PTPRN2: variants seen among roughly 807,000 people sequenced by gnomAD.
PTPRN2 encodes protein tyrosine phosphatase receptor type N2.
PTPRN2 carries 74 observed loss-of-function variants against 118.8 expected under a neutral mutation model. The ratio of observed to expected loss-of-function variants is 0.62; its 90% confidence interval spans 0.52 to 0.76. The LOEUF (loss-of-function observed/expected upper bound fraction) is 0.76, where lower values mean the gene tolerates loss of function less well. Among genes scored for constraint, PTPRN2 ranks in the 30% least tolerant of loss-of-function variants. PTPRN2 has a pLI of 0.00. For synonymous variants in PTPRN2, 641 were observed against 608.0 expected, an observed-to-expected ratio of 1.05 and a Z score of -0.80; for missense variants, 1,481 against 1,394.4, an observed-to-expected ratio of 1.06 and a Z score of -0.99.
intron 2 of PTPRN2, among the ~76,000 whole-genome samples, chr7:158,487,361 T>A (rs921856606): frequency 6.6e-6 from 1 of 152,206 alleles, no homozygotes; most frequent in Non-Finnish European, 1.5e-5. Context: ...ACTGTTTCCC[T>A]CAGCAACGAC....
At chr7:157,571,951 C>G (rs998458147) in intron 19 of PTPRN2, among the ~76,000 whole-genome samples, 1 of 152,194 alleles carries the variant, frequency 6.6e-6, no homozygotes, top group Non-Finnish European at 1.5e-5. Flanking sequence ...TGTCTAAAAA[C>G]AGCATCTTCA....
chr7:157,743,685 C>T (rs530298688), intron 12 of PTPRN2, among the ~76,000 whole-genome samples: 5 of 151,742 alleles, frequency 3.3e-5, no homozygotes, highest in East Asian at 1.9e-4. Context: ...GCTGGGGTAA[C>T]GATCTCCAGG....
chr7:158,151,141 ATT>A (rs1821040303), intron 6 of PTPRN2, among the ~76,000 whole-genome samples: 11 of 76,274 alleles, frequency 1.4e-4, no homozygotes, highest in Non-Finnish European at 2.3e-4. Context: ...CCGCCTTTCT[ATT>A]CCTGCCTCTC....
chr7:158,529,396 G>A lies in PTPRN2; in HGVS notation c.113-39611C>T, dbSNP rs535944312. ...GCAGAGGAAGGTGGGAAGGCCCAGG[G>A]GAGGCCAGCAGGAGGACGGACTCAC... On this transcript the variant is annotated intron_variant, in intron 1 of 22. Transcript: ENST00000389418. The surrounding 1 kb of genome is among the most constrained non-coding windows in gnomAD (Gnocchi z 4.7). Among the ~76,000 whole-genome samples the A allele has an allele frequency of 4.6e-5, 7 of 152,316 alleles. No individual in the cohort carries two copies. The East Asian group carries it at 1.4e-3, about 29-fold the overall frequency.
chr7:158,150,826 T>A (rs1466346376), intron 6 of PTPRN2, among the ~76,000 whole-genome samples: 1 of 151,978 alleles, frequency 6.6e-6, no homozygotes, highest in Non-Finnish European at 1.5e-5. Flanking sequence ...TCTCCCATGA[T>A]GGTTGCACCC....
intron 3 of PTPRN2, among the ~76,000 whole-genome samples, chr7:158,310,695 C>T (rs919130227): frequency 2.6e-5 from 4 of 151,338 alleles, no homozygotes; most frequent in African/African-American, 4.9e-5. Flanking sequence ...GCAAGTCCCA[C>T]GGAGGGCGAG....
At position 157,761,465 on chromosome 7, in the gene PTPRN2, T is replaced by C. The variant is rs1369470217; in HGVS notation, c.1789-78528A>G. Among the ~76,000 whole-genome samples the C allele has an allele frequency of 5.0e-3, 756 of 151,712 alleles. 12 individuals carry two copies. Among genetic ancestry groups the C allele is most frequent in the African/African-American group, 0.017 (713 of 41,222 alleles). ...ATGCCTCATATCTACAACTATCTGATCTTTGACAAACCTGAGAAAAACAAG... is the reference window on the plus strand; with the variant it reads ...ATGCCTCATATCTACAACTATCTGACCTTTGACAAACCTGAGAAAAACAAG... On this transcript the variant is annotated intron_variant, in intron 12 of 22. Transcript: ENST00000389418.
At chr7:158,490,630 GC>G (rs1303334554) in intron 1 of PTPRN2, among the ~76,000 whole-genome samples, 2 of 152,254 alleles carry the variant, frequency 1.3e-5, no homozygotes, top group Admixed American at 6.5e-5. Flanking sequence ...AACCGGGAGG[GC>G]CCCAGGGCCA....
At chr7:157,573,150 A>G (rs1387006719) in intron 19 of PTPRN2, among the ~76,000 whole-genome samples, 2 of 152,186 alleles carry the variant, frequency 1.3e-5, no homozygotes, top group Non-Finnish European at 2.9e-5. Flanking sequence ...TCAGGGGTGC[A>G]CCCCAGCATG....
rs912254139 is a variant in PTPRN2 at position 157,813,927 on chromosome 7, C to T, written c.1788+84746G>A. On this transcript the variant is annotated intron_variant, in intron 12 of 22. Coordinates refer to ENST00000389418, the MANE Select transcript of PTPRN2 (RefSeq NM_002847.5). The surrounding 1 kb of genome is among the most constrained non-coding windows in gnomAD (Gnocchi z 4.7). ...ATGCTGCTGGTGACCCCGGGGACCC[C>T]GCCGTGAGAGCCCCGACACAAGTCG... Among the ~76,000 whole-genome samples, 17 of 152,386 alleles carry T rather than the reference C, an allele frequency of 1.1e-4. No homozygotes were observed. Among genetic ancestry groups the T allele is most frequent in the African/African-American group, 3.6e-4 (15 of 41,600 alleles).
intron 9 of PTPRN2, among the ~76,000 whole-genome samples, chr7:158,127,443 G>C (rs1019180593): frequency 4.6e-5 from 7 of 152,058 alleles, no homozygotes; most frequent in African/African-American, 1.4e-4. Context: ...GGAAACCCAA[G>C]CACAGGGGCG....
intron 11 of PTPRN2, among the ~76,000 whole-genome samples, chr7:158,055,212 G>T (rs1039772623): frequency 1.3e-5 from 2 of 152,210 alleles, no homozygotes; most frequent in African/African-American, 4.8e-5. Context: ...GCCATACAGA[G>T]ATAGTAGCTG....
chr7:157,820,025 C>T (rs1806713902), intron 12 of PTPRN2, among the ~76,000 whole-genome samples: 1 of 151,562 alleles, frequency 6.6e-6, no homozygotes, highest in South Asian at 2.1e-4. Context: ...CACATGCACA[C>T]ACACACCCAC....
At chr7:158,433,282 A>G (rs906576256) in intron 2 of PTPRN2, among the ~76,000 whole-genome samples, 1 of 152,212 alleles carries the variant, frequency 6.6e-6, no homozygotes, top group African/African-American at 2.4e-5. Flanking sequence ...ATATTTAAGG[A>G]TGCATTTCTA....
chr7:158,204,339 A>G (rs1826953395), intron 4 of PTPRN2, among the ~76,000 whole-genome samples: 1 of 152,240 alleles, frequency 6.6e-6, no homozygotes. Flanking sequence ...GGGGACGGTT[A>G]CCAGTTCTCC....
chr7:158,372,867 C>T (rs933046902), intron 2 of PTPRN2, among the ~76,000 whole-genome samples: 1 of 152,204 alleles, frequency 6.6e-6, no homozygotes, highest in African/African-American at 2.4e-5. Context: ...GTTCTCCAGG[C>T]TGTGATTCAG....
intron 13 of PTPRN2, among the ~76,000 whole-genome samples, chr7:157,668,324 T>C (rs914804258): frequency 6.6e-6 from 1 of 152,262 alleles, no homozygotes; most frequent in African/African-American, 2.4e-5. Flanking sequence ...AGAAGAGACC[T>C]GTCATTCTTG....
chr7:157,642,030 G>A (rs939632454), intron 14 of PTPRN2, among the ~76,000 whole-genome samples: 7 of 152,040 alleles, frequency 4.6e-5, no homozygotes, highest in African/African-American at 1.4e-4. Context: ...TGTCTTCACC[G>A]ACCAAAACCT....
chr7:157,667,909 A>G (rs1204201047), intron 13 of PTPRN2, among the ~76,000 whole-genome samples: 2 of 152,246 alleles, frequency 1.3e-5, no homozygotes, highest in Non-Finnish European at 2.9e-5. Flanking sequence ...GCCCAGTGGC[A>G]CTGCAAGCGC....
Sources: gnomAD v4.1 joint callset for allele counts (sites outside exome capture counted in the v4.1 genomes callset) on GRCh38, gnomAD v4.1.1 for gene constraint, Gnocchi (gnomAD v3.1) non-coding constraint, MANE v1.5 for transcripts, NCBI Gene and HGNC (gene_info 2026-07-23, HGNC 2026-07-21) for gene names.